The following TMEM163 variants were observed in gnomAD, a reference collection of about 807,000 sequenced individuals.
TMEM163 encodes the protein transmembrane protein 163.
TMEM163 carries 17 observed loss-of-function variants against 29.3 expected under a neutral mutation model. That is an observed-to-expected ratio of 0.58 (90% confidence interval 0.40 to 0.87). The LOEUF (loss-of-function observed/expected upper bound fraction) is 0.87, where lower values mean the gene tolerates loss of function less well. Among genes scored for constraint, TMEM163 ranks in the 40% least tolerant of loss-of-function variants. The pLI is 0.00. For synonymous variants in TMEM163, 157 were observed against 160.6 expected (o/e 0.98, Z 0.17); for missense variants, 303 against 381.5 (o/e 0.79, Z 1.71).
intron 4 of TMEM163, among the ~76,000 whole-genome samples, chr2:134,548,074 C>G (rs1680830647): frequency 6.6e-6 from 1 of 152,094 alleles, no homozygotes; most frequent in African/African-American, 2.4e-5. Context: ...CCTTCTGGAA[C>G]TGAAAATCAA....
chr2:134,474,149 G>A (rs1686865512), intron 5 of TMEM163, among the ~76,000 whole-genome samples: 2 of 152,162 alleles, frequency 1.3e-5, no homozygotes, highest in Non-Finnish European at 2.9e-5. Flanking sequence ...ATATAAAAAG[G>A]ATAATACAAC....
chr2:134,709,248 A>T (rs746815091), intron 2 of TMEM163, among the ~76,000 whole-genome samples: 89 of 152,250 alleles, frequency 5.8e-4, no homozygotes, highest in Non-Finnish European at 9.7e-4. Context: ...AACAGAATGA[A>T]TTTTAAAACC....
Position 134,585,738 on chromosome 2 carries a change from T to C in TMEM163, c.323-33647A>G, listed in dbSNP as rs543812847. ...GCCTGGGCGACAGAGCGAGACTCCG[T>C]CTCAAAAAAAAAAAAAATACCTGGA... On this transcript the variant is annotated intron_variant, in intron 2 of 7. Coordinates refer to ENST00000281924, the MANE Select transcript of TMEM163 (RefSeq NM_030923.5). Among the ~76,000 whole-genome samples, 691 of 105,742 alleles carry C rather than the reference T, an allele frequency of 6.5e-3. 1 individual carries two copies. Among genetic ancestry groups the C allele is most frequent in the Non-Finnish European group, 8.3e-3 (459 of 55,338 alleles). The allele number at this position is 105,742 out of a possible 152,430, so 69.4% of individuals were successfully genotyped here. A position where few individuals can be genotyped will look rare whatever the true frequency, so the allele number is the denominator to read the frequency against.
intron 2 of TMEM163, among the ~76,000 whole-genome samples, chr2:134,669,519 C>T (rs925681062): frequency 1.3e-5 from 2 of 152,214 alleles, no homozygotes; most frequent in Admixed American, 6.5e-5. Context: ...CATCCTGGGG[C>T]GCAGCAGATT....
At chr2:134,718,651 G>A in intron 1 of TMEM163, 83 bp downstream of exon 1, 1 of 1,032,656 alleles carries the variant, frequency 9.7e-7, no homozygotes, top group South Asian at 4.6e-5. Flanking sequence ...CCCGCGCCTC[G>A]CCCAGCGCGG....
At chr2:134,507,334 CTCTA>C (rs1679846746) in intron 4 of TMEM163, among the ~76,000 whole-genome samples, 1 of 139,464 alleles carries the variant, frequency 7.2e-6, no homozygotes, top group Admixed American at 7.3e-5. Flanking sequence ...GAAACTCTAC[CTCTA>C]AATAAATAAA....
At chr2:134,609,956 T>G (rs935027683) in intron 2 of TMEM163, among the ~76,000 whole-genome samples, 9 of 151,254 alleles carry the variant, frequency 6.0e-5, no homozygotes, top group Non-Finnish European at 1.3e-4. Flanking sequence ...TTACGAGGCC[T>G]ACAGGGGAAG....
At chr2:134,674,725 C>A (rs1163170909) in intron 2 of TMEM163, among the ~76,000 whole-genome samples, 1 of 151,990 alleles carries the variant, frequency 6.6e-6, no homozygotes, top group Admixed American at 6.5e-5. Flanking sequence ...AGAGGGTTCT[C>A]ATGCTTGTCT....
chr2:134,485,369 T>C (rs893721026), intron 5 of TMEM163, among the ~76,000 whole-genome samples: 1 of 152,232 alleles, frequency 6.6e-6, no homozygotes, highest in Non-Finnish European at 1.5e-5. Context: ...GCTGAATGTA[T>C]ATCACTTCCA....
chr2:134,504,135 A>G (rs1679764058), intron 4 of TMEM163, among the ~76,000 whole-genome samples: 1 of 152,108 alleles, frequency 6.6e-6, no homozygotes, highest in African/African-American at 2.4e-5. Context: ...CAAATTGCTC[A>G]CCTAATTTTG....
At chr2:134,457,362 A>G (rs1169369944) in intron 7 of TMEM163, among the ~76,000 whole-genome samples, 1 of 152,210 alleles carries the variant, frequency 6.6e-6, no homozygotes, top group East Asian at 1.9e-4. Flanking sequence ...ACCATCGTCC[A>G]TTCCCACAGC....
At chr2:134,618,469 G>T (rs991949994) in intron 2 of TMEM163, among the ~76,000 whole-genome samples, 4 of 152,090 alleles carry the variant, frequency 2.6e-5, no homozygotes, top group African/African-American at 4.8e-5. Flanking sequence ...TAGAAACTAT[G>T]ATTTCCTTTC....
intron 2 of TMEM163, among the ~76,000 whole-genome samples, chr2:134,696,898 C>T (rs920478500): frequency 6.6e-6 from 1 of 152,120 alleles, no homozygotes; most frequent in Non-Finnish European, 1.5e-5. Flanking sequence ...TCCTCAGCCC[C>T]CCGAGTAGCT....
chr2:134,576,646 C>G (rs1463584916), intron 2 of TMEM163, among the ~76,000 whole-genome samples: 1 of 152,136 alleles, frequency 6.6e-6, no homozygotes, highest in African/African-American at 2.4e-5. Context: ...TCTCCTGAGT[C>G]TCTGTTACAA....
chr2:134,713,663 G>A (rs1016517238), intron 1 of TMEM163: 2 of 477,426 alleles, frequency 4.2e-6, no homozygotes, highest in Non-Finnish European at 8.3e-6. Flanking sequence ...GGTAGATGCT[G>A]TTCCTGCCCA....
rs565787104 is a variant in TMEM163 at position 134,605,090 on chromosome 2, T to A, written c.323-52999A>T. Among the ~76,000 whole-genome samples the A allele has an allele frequency of 2.0e-5, 3 of 151,154 alleles. No individual in the cohort carries two copies. The South Asian group carries it at 6.3e-4, about 32-fold the overall frequency. On this transcript the variant is annotated intron_variant, in intron 2 of 7. Coordinates refer to ENST00000281924, the MANE Select transcript of TMEM163 (RefSeq NM_030923.5). The stretch of plus-strand genomic sequence containing the variant: ...TACTTGGGAGGCTGAGGCAGGAGAA[T>A]AGCTTGAACCTGGGAAGCGGAGGTT...
chr2:134,474,490 T>A (rs943197139), intron 5 of TMEM163, among the ~76,000 whole-genome samples: 5 of 152,254 alleles, frequency 3.3e-5, no homozygotes, highest in South Asian at 4.1e-4. Flanking sequence ...GGCAAGGACA[T>A]CTACTTTCAT....
intron 2 of TMEM163, among the ~76,000 whole-genome samples, chr2:134,693,259 T>TA (rs1471147879): frequency 1.3e-5 from 2 of 152,086 alleles, no homozygotes; most frequent in Non-Finnish European, 2.9e-5. Context: ...GTAAGACATT[T>TA]AAAAAAATAA....
intron 2 of TMEM163, among the ~76,000 whole-genome samples, chr2:134,611,562 G>A (rs1026389992): frequency 2.6e-5 from 4 of 152,142 alleles, no homozygotes; most frequent in Non-Finnish European, 5.9e-5. Flanking sequence ...GGTGTTCACT[G>A]GGAGGAGGGG....
Sources: allele counts gnomAD v4.1 joint callset (sites outside exome capture counted in the v4.1 genomes callset), GRCh38; gene constraint gnomAD v4.1.1; transcripts MANE v1.5; gene names NCBI Gene and HGNC (gene_info 2026-07-23, HGNC 2026-07-21).